The following FRMD4A variants were observed in gnomAD, a reference collection of about 807,000 sequenced individuals.
FRMD4A encodes FERM domain-containing protein 4A.
FRMD4A carries 29 observed loss-of-function variants against 129.1 expected under a neutral mutation model. The ratio of observed to expected loss-of-function variants is 0.22; its 90% CI spans 0.17 to 0.31. The LOEUF (loss-of-function observed/expected upper bound fraction) is 0.31, where lower values mean the gene tolerates loss of function less well. Among genes scored for constraint, FRMD4A ranks in the 10% least tolerant of loss-of-function variants. The probability of loss-of-function intolerance (pLI) is 1.00; values close to 1 mark genes in which losing one functional copy is unlikely to be tolerated. For missense variants in FRMD4A, 1,272 were observed against 1,375.8 expected (o/e 0.92, Z 1.19); for synonymous variants, 634 against 571.6 (o/e 1.11, Z -1.56).
intron 17 of FRMD4A, chr10:13,667,961 G>A (rs1322144695): frequency 6.6e-6 from 1 of 152,208 alleles, no homozygotes; most frequent in African/African-American, 2.4e-5. Flanking sequence ...CAAATAGGAG[G>A]AGATCAATTG....
chr10:13,844,940 G>T (rs555868249), intron 3 of FRMD4A, among the ~76,000 whole-genome samples: 1 of 152,292 alleles, frequency 6.6e-6, no homozygotes, highest in East Asian at 1.9e-4. Flanking sequence ...ATGAGTAATG[G>T]GCTGGAAAGA....
chr10:14,239,126 C>T (rs567555970), intron 2 of FRMD4A, among the ~76,000 whole-genome samples: 2 of 152,252 alleles, frequency 1.3e-5, no homozygotes, highest in South Asian at 2.1e-4. Flanking sequence ...CATAGAAAAA[C>T]ATCCCAGAGA....
chr10:14,199,747 AT>A (rs1486666474), intron 2 of FRMD4A, among the ~76,000 whole-genome samples: 1 of 151,306 alleles, frequency 6.6e-6, no homozygotes, highest in Non-Finnish European at 1.5e-5. Context: ...ATCTCATCAT[AT>A]TTAGTTTTAA....
Position 14,102,948 on chromosome 10 carries a change from G to A in FRMD4A, c.45+227110C>T, listed in dbSNP as rs530433964. Among the ~76,000 whole-genome samples the A allele has an allele frequency of 8.5e-5, 13 of 152,316 alleles. No individual in the cohort carries two copies. The South Asian group carries it at 2.3e-3, about 27-fold the overall frequency. On this transcript the variant is annotated intron_variant, in intron 2 of 24. Transcript: ENST00000357447. ...TGATTACGTGCATGGGAGGTTTCAT[G>A]TGGGGCAACCTGTCACAGCCACTTT...
intron 12 of FRMD4A, among the ~76,000 whole-genome samples, chr10:13,714,029 TA>T (rs1321322919): frequency 7.1e-5 from 2 of 28,340 alleles, no homozygotes; most frequent in African/African-American, 3.2e-4. Context: ...AAAATATACA[TA>T]TATATATATA....
intron 2 of FRMD4A, among the ~76,000 whole-genome samples, chr10:14,096,815 A>G (rs1836987938): frequency 6.6e-6 from 1 of 152,180 alleles, no homozygotes; most frequent in Non-Finnish European, 1.5e-5. Flanking sequence ...GTTTAGCTGC[A>G]TTACATCTTA....
At chr10:13,953,956 C>T (rs750425853) in intron 2 of FRMD4A, among the ~76,000 whole-genome samples, 3 of 152,168 alleles carry the variant, frequency 2.0e-5, no homozygotes, top group Non-Finnish European at 4.4e-5. Context: ...TCATCATCAT[C>T]ATACTGGAAG....
At chr10:13,663,384 G>A (rs2082784036) in intron 19 of FRMD4A, 69 bp downstream of exon 19, 1 of 885,768 alleles carries the variant, frequency 1.1e-6, no homozygotes, top group Non-Finnish European at 1.9e-6. Flanking sequence ...GCAATCCCCA[G>A]ACTACATAGA....
At chr10:14,185,346 A>T (rs1842054714) in intron 2 of FRMD4A, among the ~76,000 whole-genome samples, 1 of 152,224 alleles carries the variant, frequency 6.6e-6, no homozygotes, top group Non-Finnish European at 1.5e-5. Context: ...CTAGATATCC[A>T]TAGTGAGAGA....
chr10:14,262,179 A>G (rs1054443042), intron 2 of FRMD4A, among the ~76,000 whole-genome samples: 1 of 152,116 alleles, frequency 6.6e-6, no homozygotes. Context: ...GAGATTTCAC[A>G]TTTCAGTCCC....
intron 2 of FRMD4A, among the ~76,000 whole-genome samples, chr10:13,948,130 A>G (rs2095345895): frequency 6.6e-6 from 1 of 152,122 alleles, no homozygotes; most frequent in Admixed American, 6.5e-5. Flanking sequence ...TTCTCATTAA[A>G]TGGACTTGTA....
chr10:13,681,354 T>C (rs2084565738), intron 15 of FRMD4A, among the ~76,000 whole-genome samples: 1 of 152,182 alleles, frequency 6.6e-6, no homozygotes, highest in African/African-American at 2.4e-5. Context: ...GAGTTTAATC[T>C]GAGCTGTCTC....
intron 2 of FRMD4A, among the ~76,000 whole-genome samples, chr10:13,866,038 G>A (rs1414924343): frequency 1.3e-5 from 2 of 152,116 alleles, no homozygotes; most frequent in African/African-American, 2.4e-5. Context: ...AAGCCACCAC[G>A]TTGTTTCTGA....
At position 13,645,370 on chromosome 10, in the gene FRMD4A, C is replaced by T. The variant is rs1184336569; in HGVS notation, c.*1668G>A. ...GAAAAAAATTCCACCCCCACCCCATCCCCCCACCACTTGCGCCAAAAGCAC... is the reference window on the plus strand; with the variant it reads ...GAAAAAAATTCCACCCCCACCCCATTCCCCCACCACTTGCGCCAAAAGCAC... On this transcript the variant is annotated 3_prime_UTR_variant, in exon 25 of 25. Coordinates refer to ENST00000357447, the MANE Select transcript of FRMD4A (RefSeq NM_018027.5). The T allele has an allele frequency of 1.2e-4, 12 of 103,954 alleles. No individual in the cohort carries two copies. The highest frequency in any genetic ancestry group is 4.4e-4 in the African/African-American group (12 of 26,982). The allele number at this position is 103,954 out of a possible 1,614,324, so 6.4% of individuals were successfully genotyped here. A position where few individuals can be genotyped will look rare whatever the true frequency, so the allele number is the denominator to read the frequency against.
intron 2 of FRMD4A, among the ~76,000 whole-genome samples, chr10:14,016,382 G>A (rs544657296): frequency 7.9e-5 from 12 of 152,316 alleles, no homozygotes; most frequent in Non-Finnish European, 1.5e-4. Flanking sequence ...TAAACAAGAC[G>A]TGTGCACCTT....
chr10:13,839,271 T>C (rs961006038), intron 3 of FRMD4A, among the ~76,000 whole-genome samples: 7 of 152,096 alleles, frequency 4.6e-5, no homozygotes, highest in African/African-American at 1.4e-4. Context: ...CTCTCAAAGT[T>C]CTAGAATTAC....
chr10:14,021,394 A>T (rs4460713), intron 2 of FRMD4A, among the ~76,000 whole-genome samples: 28,154 of 150,928 alleles, frequency 0.19, 3,219 homozygotes, highest in East Asian at 0.45. Flanking sequence ...TAAAAAAAAA[A>T]AATAATAAAA....
chr10:14,047,030 A>C (rs1037470916), intron 2 of FRMD4A, among the ~76,000 whole-genome samples: 1 of 152,156 alleles, frequency 6.6e-6, no homozygotes, highest in Non-Finnish European at 1.5e-5. Context: ...TGGGGTGCTC[A>C]GGCCTCCACC....
chr10:14,071,646 T>G (rs1835324408), intron 2 of FRMD4A, among the ~76,000 whole-genome samples: 1 of 152,018 alleles, frequency 6.6e-6, no homozygotes, highest in Non-Finnish European at 1.5e-5. Context: ...ACATACAAAT[T>G]ATTACTGTCC....
Sources: allele counts gnomAD v4.1 joint callset (sites outside exome capture counted in the v4.1 genomes callset), GRCh38; gene constraint gnomAD v4.1.1; transcripts MANE v1.5; gene names NCBI Gene and HGNC (gene_info 2026-07-23, HGNC 2026-07-21).